The following ORMDL2 variants were observed in gnomAD, a reference collection of about 807,000 sequenced individuals.
The protein encoded by ORMDL2 is ORM1-like protein 2.
ORMDL2 carries 11 observed loss-of-function variants against 13.5 expected under a neutral mutation model. The observed-to-expected ratio is 0.82, with a 90% CI of 0.51 to 1.35. ORMDL2 has a LOEUF of 1.35. Among genes scored for constraint, ORMDL2 ranks in the 40% most tolerant of loss-of-function variants. The pLI is 0.00. For synonymous variants in ORMDL2, 73 were observed against 76.5 expected, an observed-to-expected ratio of 0.95 and a Z score of 0.24; for missense variants, 160 against 191.1, an observed-to-expected ratio of 0.84 and a Z score of 0.96.
At position 55,820,242 on chromosome 12, in the gene ORMDL2, A is replaced by AT; in HGVS notation, c.327-11dup. The AT allele has an allele frequency of 6.2e-7, 1 of 1,602,442 alleles. No individual in the cohort carries two copies. ...AGAGAAGGTCAACCTCACTCACCCTATTTTTTTCTCTCCCCAGCTATCTCC... is the reference window on the plus strand; with the variant it reads ...AGAGAAGGTCAACCTCACTCACCCTATTTTTTTTCTCTCCCCAGCTATCTCC... On this transcript the variant is annotated splice_polypyrimidine_tract_variant and intron_variant, in intron 3 of 3. Transcript: ENST00000243045.
intron 1 of ORMDL2, 30 bp from the exon 2 acceptor site, chr12:55,818,969 G>C: frequency 1.3e-6 from 2 of 1,599,516 alleles, no homozygotes; most frequent in Non-Finnish European, 1.7e-6. Flanking sequence ...AACTGAGCTG[G>C]ACTCCTGCCT....
At chr12:55,819,782 A>G (rs930786278) in intron 3 of ORMDL2, among the ~76,000 whole-genome samples, 4 of 152,212 alleles carry the variant, frequency 2.6e-5, no homozygotes, top group African/African-American at 9.6e-5. Flanking sequence ...GAAGTAAATA[A>G]AGGCAGAACT....
intron 1 of ORMDL2, 75 bp downstream of exon 1, chr12:55,818,187 A>T (rs936071939): frequency 2.3e-6 from 1 of 435,056 alleles, no homozygotes. Context: ...GGGAGTGGTG[A>T]CCTAAATACT....
At position 55,819,038 on chromosome 12, in the gene ORMDL2, C is replaced by A. The variant is rs772767555; in HGVS notation, c.39C>A (p.Asn13Lys). 9 of 1,614,028 alleles carry A rather than the reference C, an allele frequency of 5.6e-6. No individual in the cohort carries two copies. Among genetic ancestry groups the A allele is most frequent in the African/African-American group, 1.3e-5 (1 of 74,912 alleles). ...TGGCACACAGCGAAGTAAACCCCAACACCCGAGTGATGAATAGCCGAGGCA... is the reference window on the plus strand; with the variant it reads ...TGGCACACAGCGAAGTAAACCCCAAAACCCGAGTGATGAATAGCCGAGGCA... ...VGVAHSEVNP[N>K]TRVMNSRGIW... is the part of the protein sequence containing the mutation. Residue 13 changes from asparagine (N) to lysine (K), a missense_variant, in exon 2 of 4, where the codon AAC (asparagine) becomes AAA (lysine). Asn to Lys is a moderately conservative substitution (Grantham distance 94). Transcript: ENST00000243045.
At chr12:55,819,536 C>T in intron 3 of ORMDL2, 43 bp downstream of exon 3, 1 of 1,579,130 alleles carries the variant, frequency 6.3e-7, no homozygotes, top group South Asian at 1.1e-5. Context: ...TTAGAAAGAG[C>T]TCCAAGAGCC....
At chr12:55,820,140 A>G (rs1880626927) in intron 3 of ORMDL2, 120 bp from the exon 4 acceptor site, 3 of 887,860 alleles carry the variant, frequency 3.4e-6, no homozygotes, top group Admixed American at 2.1e-5. Flanking sequence ...CACGTATCAC[A>G]CTTATGAATA....
At position 55,819,106 on chromosome 12, in the gene ORMDL2, T is replaced by C. The variant is rs1287314571; in HGVS notation, c.107T>C (p.Val36Ala). Residue 36 changes from valine to alanine, a missense_variant, in exon 2 of 4, where the codon GTT becomes GCT. Coordinates refer to ENST00000243045, the MANE Select transcript of ORMDL2 (RefSeq NM_014182.5). ...ATCTTGGTAGGATTGCTGCATATGG[T>C]TCTACTCAGCATCCCCTTCTTCAGC... is the stretch of plus-strand genomic sequence containing the variant. The part of the protein sequence containing the change: ...YIILVGLLHM[V>A]LLSIPFFSIP... 6.2e-7 allele frequency: 1 copy of C among 1,614,068 alleles called. No homozygotes were observed. The highest frequency in any genetic ancestry group is 8.5e-7 in the Non-Finnish European group (1 of 1,179,968).
Position 55,818,116 on chromosome 12 carries a change from G to A in ORMDL2, c.-2+4G>A, listed in dbSNP as rs771831375. 4 of 481,634 alleles carry A rather than the reference G, an allele frequency of 8.3e-6. No homozygotes were observed. Among genetic ancestry groups the A allele is most frequent in the South Asian group, 6.2e-5 (4 of 64,780 alleles). 29.8% of individuals were successfully genotyped at this position (481,634 alleles called of 1,614,324 possible). A position where few individuals can be genotyped will look rare whatever the true frequency, so the allele number is the denominator to read the frequency against. ...GGACGGGGATCTGAGCTGGCAGGTA[G>A]GAGCTGCAAAGACTGTAAGGGTTGC... On this transcript the variant is annotated splice_donor_region_variant and intron_variant, in intron 1 of 3. Coordinates refer to ENST00000243045, the MANE Select transcript of ORMDL2 (RefSeq NM_014182.5).
Position 55,819,073 on chromosome 12 carries a change from C to G in ORMDL2, c.74C>G (p.Ala25Gly), listed in dbSNP as rs752840177. ...ATGAATAGCCGAGGCATCTGGCTGG[C>G]CTACATCATCTTGGTAGGATTGCTG... ...RVMNSRGIWL[A>G]YIILVGLLHM... is the part of the protein sequence containing the mutation. The change falls in exon 2 of 4, where the codon GCC becomes GGC. Residue 25 changes from alanine to glycine, a missense_variant. Transcript: ENST00000243045. 1.8e-5 allele frequency: 29 copies of G among 1,613,878 alleles called. No individual in the cohort carries two copies. Among genetic ancestry groups the G allele is most frequent in the Non-Finnish European group, 2.5e-5 (29 of 1,179,910 alleles).
In ORMDL2 at chr12:55,821,843, A is replaced by G. The variant is rs965031515; in HGVS notation, c.*1448A>G. ...CTGCACTCCAGCTGGGCAACAGAGC[A>G]AGACTCCATCTCAAAAAATAAAAAG... On this transcript the variant is annotated 3_prime_UTR_variant, in exon 4 of 4. Transcript: ENST00000243045. 11 of 1,022,860 alleles carry G rather than the reference A, an allele frequency of 1.1e-5. No individual in the cohort carries two copies. The highest frequency in any genetic ancestry group is 1.9e-5 in the South Asian group (1 of 53,496). 63.4% of individuals were successfully genotyped at this position (1,022,860 alleles called of 1,614,324 possible).
intron 3 of ORMDL2, among the ~76,000 whole-genome samples, chr12:55,819,772 G>T (rs1880616858): frequency 6.6e-6 from 1 of 152,168 alleles, no homozygotes; most frequent in Non-Finnish European, 1.5e-5. Flanking sequence ...ACTGCCAAAA[G>T]AAGTAAATAA....
intron 1 of ORMDL2, chr12:55,818,746 C>T (rs374263104): frequency 2.1e-6 from 1 of 480,562 alleles, no homozygotes; most frequent in East Asian, 3.2e-5. Context: ...CCTACACATA[C>T]ACCTTCATGT....
chr12:55,818,915 A>T, intron 1 of ORMDL2, 84 bp from the exon 2 acceptor site: 1 of 1,186,410 alleles, frequency 8.4e-7, no homozygotes, highest in East Asian at 2.4e-5. Context: ...GATTGGGGCT[A>T]TCTGAGAGAC....
Position 55,820,501 on chromosome 12 carries a change from C to A in ORMDL2, c.*106C>A. On this transcript the variant is annotated 3_prime_UTR_variant, in exon 4 of 4. Transcript: ENST00000243045. ...CATACTGTCTTCTACACCTTTAAAG[C>A]CTGAGAACTATACAACCTTTCCCAG... is the stretch of plus-strand genomic sequence containing the variant. The A allele has an allele frequency of 7.6e-7, 1 of 1,318,702 alleles. No individual in the cohort carries two copies. The highest frequency in any genetic ancestry group is 1.1e-6 in the Non-Finnish European group (1 of 913,280). The allele number at this position is 1,318,702 out of a possible 1,614,324, so 81.7% of individuals were successfully genotyped here. A position where few individuals can be genotyped will look rare whatever the true frequency, so the allele number is the denominator to read the frequency against.
Position 55,818,063 on chromosome 12 carries a change from T to C in ORMDL2, c.-51T>C. ...GGCGTTACTTCCTGGAGACTTCAGG[T>C]GTGGTAGCCGGCGCCGCGCCCATAG... On this transcript the variant is annotated 5_prime_UTR_variant, in exon 1 of 4. Coordinates refer to ENST00000243045, the MANE Select transcript of ORMDL2 (RefSeq NM_014182.5). The C allele has an allele frequency of 1.9e-6, 1 of 538,332 alleles. No homozygotes were observed. The highest frequency in any genetic ancestry group is 1.5e-5 in the South Asian group (1 of 65,304). 33.3% of individuals were successfully genotyped at this position (538,332 alleles called of 1,614,324 possible). A position where few individuals can be genotyped will look rare whatever the true frequency, so the allele number is the denominator to read the frequency against.
In ORMDL2 at chr12:55,818,086, T is replaced by C. The variant is rs781667720; in HGVS notation, c.-28T>C. ...GGTGTGGTAGCCGGCGCCGCGCCCA[T>C]AGCCGGACGGGGATCTGAGCTGGCA... On this transcript the variant is annotated 5_prime_UTR_variant, in exon 1 of 4. Transcript: ENST00000243045. 15 of 502,242 alleles carry C rather than the reference T, an allele frequency of 3.0e-5. No homozygotes were observed. The highest frequency in any genetic ancestry group is 5.8e-5 in the Non-Finnish European group (15 of 258,034). The allele number at this position is 502,242 out of a possible 1,614,324, so 31.1% of individuals were successfully genotyped here.
rs763059381 is a variant in ORMDL2, at chr12:55,819,187, C to T, written c.174+14C>T. 3.7e-6 allele frequency: 6 copies of T among 1,611,732 alleles called. No individual in the cohort carries two copies. The South Asian group carries it at 6.6e-5, about 18-fold the overall frequency. ...ATCCATAACCTGGTGAGCACTAAAC[C>T]ACGCCCTTGTACCCACCCCAGGGTT... On this transcript the variant is annotated intron_variant, in intron 2 of 3. Transcript: ENST00000243045.
chr12:55,821,790 G>A lies in ORMDL2; in HGVS notation c.*1395G>A. 1 of 482,212 alleles carries A rather than the reference G, an allele frequency of 2.1e-6. No individual in the cohort carries two copies. The highest frequency in any genetic ancestry group is 3.4e-6 in the Non-Finnish European group (1 of 294,344). 29.9% of individuals were successfully genotyped at this position (482,212 alleles called of 1,614,324 possible). On this transcript the variant is annotated 3_prime_UTR_variant, in exon 4 of 4. Coordinates refer to ENST00000243045, the MANE Select transcript of ORMDL2 (RefSeq NM_014182.5). ...GAGAATTGCTTGAACCCGGGAGACAGAGGTTGCAGTAAGCTGAGATCACAC... is the reference window on the plus strand; with the variant it reads ...GAGAATTGCTTGAACCCGGGAGACAAAGGTTGCAGTAAGCTGAGATCACAC...
At position 55,820,370 on chromosome 12, in the gene ORMDL2, G is replaced by A. The variant is rs763789329; in HGVS notation, c.437G>A (p.Arg146His). 4.5e-5 allele frequency: 73 copies of A among 1,614,012 alleles called. 1 individual carries two copies. In the Admixed American group the frequency reaches 9.7e-4, roughly 21 times the overall value. Residue 146 changes from arginine to histidine, a missense_variant, in exon 4 of 4, where the codon CGT becomes CAT. Physicochemically the swap from Arg to His is conservative, Grantham distance 29. Transcript: ENST00000243045. ...LPKLPQFHGV[R>H]VFGINKY ...AAGTTGCCCCAGTTCCATGGGGTTC[G>A]TGTCTTTGGCATCAACAAATACTGA...
Sources: gnomAD v4.1 joint callset for allele counts (sites outside exome capture counted in the v4.1 genomes callset) on GRCh38, gnomAD v4.1.1 for gene constraint, MANE v1.5 for transcripts, NCBI Gene and HGNC (gene_info 2026-07-23, HGNC 2026-07-21) for gene names.